C1orf87: variants seen among roughly 807,000 people sequenced by gnomAD.
C1orf87 encodes the protein chromosome 1 open reading frame 87, also known as uncharacterized protein C1orf87.
A neutral mutation model predicts 60.5 loss-of-function variants in C1orf87; 58 were observed. The observed-to-expected ratio is 0.96, with a 90% CI of 0.78 to 1.19. The LOEUF (loss-of-function observed/expected upper bound fraction) is 1.19, where lower values mean the gene tolerates loss of function less well. Ranked by LOEUF, C1orf87 falls within the 50% of genes most tolerant of loss-of-function variation. The pLI is 0.00. For synonymous variants in C1orf87, 236 were observed against 227.4 expected (o/e 1.04, Z -0.34); for missense variants, 673 against 638.6 (o/e 1.05, Z -0.58).
intron 8 of C1orf87, among the ~76,000 whole-genome samples, chr1:60,024,203 A>G (rs1169209314): frequency 2.0e-5 from 3 of 152,006 alleles, no homozygotes; most frequent in African/African-American, 7.2e-5. Flanking sequence ...TGATTTTTGC[A>G]TTGTTGATTG....
At chr1:60,064,211 T>C (rs1359707883) in intron 2 of C1orf87, among the ~76,000 whole-genome samples, 1 of 149,168 alleles carries the variant, frequency 6.7e-6, no homozygotes, top group Non-Finnish European at 1.5e-5. Flanking sequence ...AACTTTGTGA[T>C]TGTGTGAGTT....
chr1:60,017,892 AG>A (rs1457621954), intron 8 of C1orf87, among the ~76,000 whole-genome samples: 2 of 152,240 alleles, frequency 1.3e-5, no homozygotes, highest in Non-Finnish European at 2.9e-5. Context: ...ACTTTGTAAC[AG>A]GGTTTGTGAA....
intron 8 of C1orf87, among the ~76,000 whole-genome samples, chr1:60,011,493 A>T (rs539686024): frequency 6.6e-6 from 1 of 151,192 alleles, no homozygotes; most frequent in Non-Finnish European, 1.5e-5. Flanking sequence ...CTTTGGTTCT[A>T]TTCCTTTCTG....
chr1:60,033,729 T>C, intron 6 of C1orf87, 88 bp from the exon 7 acceptor site: 1 of 1,449,246 alleles, frequency 6.9e-7, no homozygotes. Context: ...TCAACTTTGC[T>C]ACACACTATG....
At chr1:60,065,044 T>TATATATA (rs1645535296) in intron 2 of C1orf87, among the ~76,000 whole-genome samples, 2 of 25,000 alleles carry the variant, frequency 8.0e-5, no homozygotes, top group Non-Finnish European at 2.1e-4. Flanking sequence ...ATATATTTAA[T>TATATATA]AATATATAAA....
At chr1:59,999,951 C>T (rs1307179525) in intron 10 of C1orf87, among the ~76,000 whole-genome samples, 1 of 152,152 alleles carries the variant, frequency 6.6e-6, no homozygotes, top group Non-Finnish European at 1.5e-5. Flanking sequence ...CCAACAGCGC[C>T]AGGCTGGGCA....
In C1orf87 at chr1:60,069,564, T is replaced by C. The variant is rs957865602; in HGVS notation, c.107+2973A>G. Reference sequence around the variant, plus strand: ...GTCTCTTTTGCTCTTTTGTGAAATATATGTATACTAAATATAAGTATTTTT... The same window carrying C: ...GTCTCTTTTGCTCTTTTGTGAAATACATGTATACTAAATATAAGTATTTTT... On this transcript the variant is annotated intron_variant, in intron 2 of 11. Coordinates refer to ENST00000371201, the MANE Select transcript of C1orf87 (RefSeq NM_152377.3). 2.1e-4 allele frequency among the ~76,000 whole-genome samples: 32 copies of C among 152,316 alleles called. No individual in the cohort carries two copies. In the East Asian group the frequency reaches 2.5e-3, roughly 12 times the overall value.
intron 8 of C1orf87, among the ~76,000 whole-genome samples, chr1:60,014,543 AAAAC>A (rs941716363): frequency 6.6e-6 from 1 of 152,154 alleles, no homozygotes; most frequent in Non-Finnish European, 1.5e-5. Context: ...TATATTAAAA[AAAAC>A]AAACAAACCT....
chr1:60,037,577 A>AGATAAT (rs953825469), intron 6 of C1orf87, among the ~76,000 whole-genome samples: 24 of 152,154 alleles, frequency 1.6e-4, no homozygotes, highest in Non-Finnish European at 3.5e-4. Flanking sequence ...CTCACTCCTG[A>AGATAAT]GATAATGACA....
intron 3 of C1orf87, among the ~76,000 whole-genome samples, chr1:60,053,011 G>C (rs1013696706): frequency 1.3e-5 from 2 of 152,220 alleles, no homozygotes; most frequent in African/African-American, 4.8e-5. Context: ...GTTCTGGGAG[G>C]GGAGGGGCAA....
Position 60,055,492 on chromosome 1 carries a change from T to G in C1orf87, c.108-54A>C, listed in dbSNP as rs7525633. On this transcript the variant is annotated intron_variant, in intron 2 of 11. Transcript: ENST00000371201. ...ACTTACAGGCAGACTCCTCATACACTAGGCTGGCATAAGAACAGAAGGTGT... is the reference window on the plus strand; with the variant it reads ...ACTTACAGGCAGACTCCTCATACACGAGGCTGGCATAAGAACAGAAGGTGT... 2.5e-3 allele frequency: 3,709 copies of G among 1,472,748 alleles called. 68 individuals carry two copies. The African/African-American group carries it at 0.045, about 18-fold the overall frequency. The allele number at this position is 1,472,748 out of a possible 1,614,324, so 91.2% of individuals were successfully genotyped here. A position where few individuals can be genotyped will look rare whatever the true frequency, so the allele number is the denominator to read the frequency against.
intron 3 of C1orf87, among the ~76,000 whole-genome samples, chr1:60,053,081 T>G (rs560590765): frequency 6.6e-6 from 1 of 152,312 alleles, no homozygotes; most frequent in Non-Finnish European, 1.5e-5. Context: ...TAAGAACAGC[T>G]TACCTAATGA....
chr1:60,066,375 C>A (rs1645545992), intron 2 of C1orf87, among the ~76,000 whole-genome samples: 1 of 152,132 alleles, frequency 6.6e-6, no homozygotes, highest in South Asian at 2.1e-4. Context: ...CCTTTGTTGT[C>A]AATTCAACAA....
intron 3 of C1orf87, among the ~76,000 whole-genome samples, chr1:60,042,123 G>C (rs72924992): frequency 0.19 from 28,436 of 152,074 alleles, 2,961 homozygotes; most frequent in Middle Eastern, 0.24. Flanking sequence ...GGAAATGAAA[G>C]CAATTAACTC....
intron 9 of C1orf87, among the ~76,000 whole-genome samples, chr1:60,007,938 G>C (rs1191940515): frequency 6.6e-6 from 1 of 151,992 alleles, no homozygotes; most frequent in East Asian, 1.9e-4. Flanking sequence ...CCCATAAGGA[G>C]TATCTTTTTT....
chr1:60,030,059 T>C (rs1645226585), intron 7 of C1orf87, among the ~76,000 whole-genome samples: 1 of 152,198 alleles, frequency 6.6e-6, no homozygotes, highest in South Asian at 2.1e-4. Flanking sequence ...TCAGAGTTAC[T>C]GCCGTCATTG....
chr1:60,004,146 C>G (rs911639222), intron 9 of C1orf87, among the ~76,000 whole-genome samples: 5 of 151,956 alleles, frequency 3.3e-5, no homozygotes, highest in Non-Finnish European at 5.9e-5. Context: ...ATTCTTGAAG[C>G]AGTACGTGGG....
rs17560663 is a variant in C1orf87, at chr1:60,038,090, T to C, written c.765A>G (p.Leu255=). The stretch of plus-strand genomic sequence containing the variant: ...ATGCTGCACTGTTTAAAAACCAGAG[T>C]AGCTTTTCATAATTCACCTGAAAAT... ...GSPEMVNYEK[L]LWFLNSAASD... The change falls in exon 6 of 12, where the codon CTA becomes CTG. Residue 255 remains leucine, a synonymous_variant. Coordinates refer to ENST00000371201, the MANE Select transcript of C1orf87 (RefSeq NM_152377.3). The C allele has an allele frequency of 0.16, 242,963 of 1,548,988 alleles. 20,887 individuals carry two copies. Among genetic ancestry groups the C allele is most frequent in the Middle Eastern group, 0.18 (1,032 of 5,812 alleles).
chr1:60,022,386 T>C (rs898647366), intron 8 of C1orf87, among the ~76,000 whole-genome samples: 1 of 152,056 alleles, frequency 6.6e-6, no homozygotes, highest in African/African-American at 2.4e-5. Flanking sequence ...GCTAATTAAA[T>C]AAATTAAATC....
Sources: gnomAD v4.1 joint callset for allele counts (sites outside exome capture counted in the v4.1 genomes callset) on GRCh38, gnomAD v4.1.1 for gene constraint, MANE v1.5 for transcripts, NCBI Gene and HGNC (gene_info 2026-07-23, HGNC 2026-07-21) for gene names.